PALM2AKAP2: variants seen among roughly 807,000 people sequenced by gnomAD.
PALM2AKAP2 encodes the protein PALM2 and AKAP2 fusion.
In PALM2AKAP2, 37 loss-of-function variants were observed where a neutral mutation model predicts 71.5. That is an observed-to-expected ratio of 0.52 (90% CI 0.40 to 0.68). The LOEUF is 0.68. Ranked by LOEUF, PALM2AKAP2 falls within the 30% of genes least tolerant of loss-of-function variation. PALM2AKAP2 has a pLI of 0.00. For synonymous variants in PALM2AKAP2, 468 were observed against 478.8 expected (o/e 0.98, Z 0.29); for missense variants, 1,224 against 1,191.8 (o/e 1.03, Z -0.40).
intron 1 of PALM2AKAP2, among the ~76,000 whole-genome samples, chr9:109,679,626 C>T (rs2118513017): frequency 6.6e-6 from 1 of 152,262 alleles, no homozygotes; most frequent in South Asian, 2.1e-4. Context: ...TGCAGAGCTA[C>T]TCAAAGCATG....
upstream of PALM2AKAP2, among the ~76,000 whole-genome samples, chr9:110,046,004 A>G (rs527696142): frequency 6.6e-6 from 1 of 152,356 alleles, no homozygotes; most frequent in African/African-American, 2.4e-5. Flanking sequence ...GCTGTCCTGT[A>G]GATGCCAGTA....
intron 2 of PALM2AKAP2, among the ~76,000 whole-genome samples, chr9:109,869,648 T>TC (rs1829551423): frequency 7.1e-6 from 1 of 139,950 alleles, no homozygotes; most frequent in African/African-American, 2.7e-5. Context: ...CATTCATCCA[T>TC]CTTTCCATCC....
At chr9:109,790,608 A>G (rs927360190) in intron 1 of PALM2AKAP2, among the ~76,000 whole-genome samples, 1 of 152,182 alleles carries the variant, frequency 6.6e-6, no homozygotes, top group African/African-American at 2.4e-5. Context: ...TGCATGTCAC[A>G]TGAGAAAGAG....
chr9:109,920,745 A>G (rs1830810077), intron 3 of PALM2AKAP2, among the ~76,000 whole-genome samples: 1 of 152,108 alleles, frequency 6.6e-6, no homozygotes, highest in Admixed American at 6.6e-5. Flanking sequence ...TGAGATTTAA[A>G]TCAAATCTGC....
chr9:110,036,586 A>G (rs1833415709), intron 7 of PALM2AKAP2, among the ~76,000 whole-genome samples: 1 of 152,194 alleles, frequency 6.6e-6, no homozygotes, highest in Non-Finnish European at 1.5e-5. Flanking sequence ...GACTCCACCC[A>G]GAAACAGCCA....
chr9:109,885,732 G>C (rs149064177), intron 3 of PALM2AKAP2, among the ~76,000 whole-genome samples: 1 of 152,174 alleles, frequency 6.6e-6, no homozygotes, highest in African/African-American at 2.4e-5. Flanking sequence ...AGTAGCTCTG[G>C]CTTAGAGCTG....
chr9:109,645,549 GAA>G (rs200417685), intron 1 of PALM2AKAP2, among the ~76,000 whole-genome samples: 14,461 of 122,340 alleles, frequency 0.12, 836 homozygotes, highest in South Asian at 0.23. Context: ...CTTAGTTTAA[GAA>G]AAAAAAAAAA....
intron 1 of PALM2AKAP2, among the ~76,000 whole-genome samples, chr9:109,668,098 G>T: frequency 1.5e-5 from 1 of 66,768 alleles, no homozygotes; most frequent in Non-Finnish European, 2.7e-5. Flanking sequence ...CACTACGCCC[G>T]GCTAATTTTT....
At position 109,884,133 on chromosome 9, in the gene PALM2AKAP2, C is replaced by T. The variant is rs147249495; in HGVS notation, c.257+3452C>T. On this transcript the variant is annotated intron_variant, in intron 3 of 9. Coordinates refer to the PALM2AKAP2 transcript ENST00000302798. Reference sequence around the variant, plus strand: ...ACTGCAAGCATTCAGGAAAATGGACCGGCATTAGGGAAACTACAGAAAAGA... The same window carrying T: ...ACTGCAAGCATTCAGGAAAATGGACTGGCATTAGGGAAACTACAGAAAAGA... 1.6e-3 allele frequency among the ~76,000 whole-genome samples: 250 copies of T among 152,236 alleles called. 2 individuals carry two copies. Among genetic ancestry groups the T allele is most frequent in the South Asian group, 8.3e-3 (40 of 4,824 alleles).
At chr9:110,032,913 G>A (rs1588068814) in intron 7 of PALM2AKAP2, among the ~76,000 whole-genome samples, 1 of 151,908 alleles carries the variant, frequency 6.6e-6, no homozygotes, top group Admixed American at 6.6e-5. Flanking sequence ...TGTAGCCTGG[G>A]TGACAGAAGG....
At chr9:109,746,864 GAGTTCA>G (rs1204709096) in intron 1 of PALM2AKAP2, among the ~76,000 whole-genome samples, 1 of 152,218 alleles carries the variant, frequency 6.6e-6, no homozygotes, top group East Asian at 1.9e-4. Flanking sequence ...CAGCAGCCTA[GAGTTCA>G]AATACAGGCA....
chr9:109,750,488 T>A lies in PALM2AKAP2; in HGVS notation c.6-30000T>A, dbSNP rs142315754. Among the ~76,000 whole-genome samples, 262 of 152,254 alleles carry A rather than the reference T, an allele frequency of 1.7e-3. 2 individuals are homozygous for A. Among genetic ancestry groups the A allele is most frequent in the South Asian group, 0.01 (49 of 4,816 alleles). ...AAAAATCATGCAATGCTAAGTATGA[T>A]ACCTGAATTAGAATGGTCAAGGGTG... On this transcript the variant is annotated intron_variant, in intron 1 of 6. Transcript: ENST00000374531.
chr9:109,780,235 C>T, upstream of PALM2AKAP2: 6 of 1,073,076 alleles, frequency 5.6e-6, no homozygotes, highest in Non-Finnish European at 6.8e-6. Context: ...GCGGCGGCGG[C>T]GACCGGGAGA....
chr9:109,817,897 T>G (rs889440333), intron 1 of PALM2AKAP2, among the ~76,000 whole-genome samples: 2 of 152,234 alleles, frequency 1.3e-5, no homozygotes, highest in African/African-American at 4.8e-5. Context: ...TCACCAGGAC[T>G]TCTGGCAACC....
intron 1 of PALM2AKAP2, among the ~76,000 whole-genome samples, chr9:110,074,913 G>C (rs1292987778): frequency 6.6e-6 from 1 of 152,096 alleles, no homozygotes; most frequent in Non-Finnish European, 1.5e-5. Flanking sequence ...TGAGACAGGA[G>C]AATCTCTTGA....
At chr9:109,757,829 C>CT (rs1279046131) in intron 1 of PALM2AKAP2, among the ~76,000 whole-genome samples, 1 of 151,998 alleles carries the variant, frequency 6.6e-6, no homozygotes, top group Admixed American at 6.6e-5. Context: ...CCAGATTTCT[C>CT]TTTTTTTCAT....
At chr9:109,977,297 C>T (rs1012272515) in intron 6 of PALM2AKAP2, among the ~76,000 whole-genome samples, 2 of 152,196 alleles carry the variant, frequency 1.3e-5, no homozygotes, top group African/African-American at 4.8e-5. Flanking sequence ...TAGTGAGAAA[C>T]ATTCAACCTC....
chr9:109,831,867 C>G (rs1156752824), intron 1 of PALM2AKAP2, among the ~76,000 whole-genome samples: 1 of 152,160 alleles, frequency 6.6e-6, no homozygotes, highest in African/African-American at 2.4e-5. Context: ...AAAGAAAAAT[C>G]TAAAAGATTC....
At chr9:109,749,710 C>T (rs1828857646) in intron 1 of PALM2AKAP2, among the ~76,000 whole-genome samples, 1 of 152,118 alleles carries the variant, frequency 6.6e-6, no homozygotes, top group Admixed American at 6.5e-5. Flanking sequence ...TGTGTGATCT[C>T]CATCTTCTTA....
Sources: allele counts gnomAD v4.1 joint callset (sites outside exome capture counted in the v4.1 genomes callset), GRCh38; gene constraint gnomAD v4.1.1; transcripts MANE v1.5; gene names NCBI Gene and HGNC (gene_info 2026-07-23, HGNC 2026-07-21).